The following CDKN2B-AS1 variants were observed in gnomAD, a reference collection of about 807,000 sequenced individuals.
CDKN2B-AS1 encodes CDKN2B antisense RNA 1 (non-protein coding).
Position 21,995,456 on chromosome 9 carries a change from C to G in CDKN2B-AS1, n.29+295C>G, listed in dbSNP as rs1057396968. ...CCGCTGCCGCCTCCACGCTCTGCCCCGCGCCCAGACACCCCGACTCCCCTT... is the reference window on the plus strand; with the variant it reads ...CCGCTGCCGCCTCCACGCTCTGCCCGGCGCCCAGACACCCCGACTCCCCTT... On this transcript the variant is annotated intron_variant and non_coding_transcript_variant, in intron 1 of 4. Transcript: ENST00000650946. The surrounding 1 kb of genome is among the most constrained non-coding windows in gnomAD (Gnocchi z 5.7). 2 of 152,692 alleles carry G rather than the reference C, an allele frequency of 1.3e-5. No individual in the cohort carries two copies. The highest frequency in any genetic ancestry group is 6.5e-5 in the Admixed American group (1 of 15,304). 9.5% of individuals were successfully genotyped at this position (152,692 alleles called of 1,614,324 possible).
At chr9:22,095,770 T>C (rs1825252444) in intron 4 of CDKN2B-AS1, among the ~76,000 whole-genome samples, 1 of 149,690 alleles carries the variant, frequency 6.7e-6, no homozygotes, top group Admixed American at 6.6e-5. Context: ...ATCTTGGTGC[T>C]CCTGTATTGG....
intron 4 of CDKN2B-AS1, among the ~76,000 whole-genome samples, chr9:22,078,593 CAGG>C (rs1044277619): frequency 6.6e-6 from 1 of 152,102 alleles, no homozygotes; most frequent in South Asian, 2.1e-4. Context: ...AACAGATCTG[CAGG>C]AGATCTTGTT....
At chr9:22,034,292 T>A (rs1213789698) in intron 1 of CDKN2B-AS1, among the ~76,000 whole-genome samples, 2 of 152,134 alleles carry the variant, frequency 1.3e-5, no homozygotes, top group Non-Finnish European at 2.9e-5. Flanking sequence ...TGTCTCTTTT[T>A]TGGGGTGCCT....
At chr9:22,109,358 T>C (rs985839990) in intron 4 of CDKN2B-AS1, among the ~76,000 whole-genome samples, 2 of 152,212 alleles carry the variant, frequency 1.3e-5, no homozygotes, top group Non-Finnish European at 2.9e-5. Flanking sequence ...AGTTACTTCT[T>C]GTTGGTCTAT....
At chr9:22,067,495 C>G (rs1473453776) in intron 4 of CDKN2B-AS1, among the ~76,000 whole-genome samples, 2 of 152,090 alleles carry the variant, frequency 1.3e-5, no homozygotes, top group Non-Finnish European at 2.9e-5. Flanking sequence ...ATTGTCATTA[C>G]AGAGTGCTTA....
intron 4 of CDKN2B-AS1, among the ~76,000 whole-genome samples, chr9:22,107,843 G>A (rs986082239): frequency 1.3e-5 from 2 of 152,156 alleles, no homozygotes; most frequent in Non-Finnish European, 2.9e-5. Flanking sequence ...ACTTCCTGTG[G>A]AGGGACAATA....
intron 1 of CDKN2B-AS1, among the ~76,000 whole-genome samples, chr9:22,021,957 G>T (rs142295128): frequency 1.8e-4 from 28 of 152,282 alleles, no homozygotes; most frequent in African/African-American, 6.7e-4. Flanking sequence ...CCGTGTAATT[G>T]TATGGTTTTG....
chr9:22,114,853 C>A (rs1307554901), intron 4 of CDKN2B-AS1, among the ~76,000 whole-genome samples: 1 of 152,200 alleles, frequency 6.6e-6, no homozygotes, highest in African/African-American at 2.4e-5. Flanking sequence ...AGAGCCATGT[C>A]ATTGAAAGAG....
intron 1 of CDKN2B-AS1, among the ~76,000 whole-genome samples, chr9:22,002,080 G>A (rs1228580761): frequency 6.6e-6 from 1 of 151,914 alleles, no homozygotes; most frequent in Non-Finnish European, 1.5e-5. Context: ...CTTAGTAATT[G>A]AACACTGTGA....
chr9:22,097,841 T>C (rs1414192570), intron 4 of CDKN2B-AS1, among the ~76,000 whole-genome samples: 1 of 152,212 alleles, frequency 6.6e-6, no homozygotes, highest in Non-Finnish European at 1.5e-5. Context: ...TTCAGCCCTG[T>C]TGCAATTTCT....
At chr9:22,042,372 T>C (rs1010526721) in intron 1 of CDKN2B-AS1, among the ~76,000 whole-genome samples, 2 of 152,088 alleles carry the variant, frequency 1.3e-5, no homozygotes. Context: ...TTCTGAAAAA[T>C]ATTACAATTC....
chr9:22,043,751 C>T (rs911501154), intron 1 of CDKN2B-AS1, among the ~76,000 whole-genome samples: 1 of 151,944 alleles, frequency 6.6e-6, no homozygotes, highest in Non-Finnish European at 1.5e-5. Flanking sequence ...TTAGTAATAA[C>T]AGTAGCTGTT....
At chr9:22,101,122 T>G (rs1246654138) in intron 4 of CDKN2B-AS1, among the ~76,000 whole-genome samples, 1 of 152,236 alleles carries the variant, frequency 6.6e-6, no homozygotes, top group Non-Finnish European at 1.5e-5. Context: ...TTAAAATTCC[T>G]CTACCTTTCA....
At chr9:22,095,224 T>C (rs1313518109) in intron 4 of CDKN2B-AS1, among the ~76,000 whole-genome samples, 2 of 144,756 alleles carry the variant, frequency 1.4e-5, no homozygotes, top group Non-Finnish European at 2.9e-5. Context: ...CTGCCCCTAC[T>C]GGGGGGTGCC....
intron 4 of CDKN2B-AS1, among the ~76,000 whole-genome samples, chr9:22,057,382 T>C (rs1219188015): frequency 1.3e-5 from 2 of 152,222 alleles, no homozygotes; most frequent in Non-Finnish European, 2.9e-5. Flanking sequence ...ATTGTGATCT[T>C]CCAAAGCTCG....
At chr9:22,078,248 G>A (rs965158418) in intron 4 of CDKN2B-AS1, among the ~76,000 whole-genome samples, 16 of 151,594 alleles carry the variant, frequency 1.1e-4, no homozygotes, top group African/African-American at 3.1e-4. Context: ...TGCTAGTTTT[G>A]TATTTGCTTG....
chr9:22,008,625 CTT>C, intron 1 of CDKN2B-AS1: 5 of 1,577,922 alleles, frequency 3.2e-6, no homozygotes, highest in Non-Finnish European at 4.3e-6. Context: ...CAATGTCTCT[CTT>C]TAGGATTTTT....
chr9:22,050,340 A>G (rs1252616514), intron 3 of CDKN2B-AS1, among the ~76,000 whole-genome samples: 3 of 152,232 alleles, frequency 2.0e-5, no homozygotes, highest in African/African-American at 7.2e-5. Context: ...GTATAGAGCC[A>G]GGGAGTCCTG....
chr9:22,096,911 G>T (rs554949621), intron 4 of CDKN2B-AS1, among the ~76,000 whole-genome samples: 1 of 152,124 alleles, frequency 6.6e-6, no homozygotes, highest in East Asian at 1.9e-4. Flanking sequence ...GCTGGATTCT[G>T]TGCCTTTGCT....
Sources: allele counts gnomAD v4.1 joint callset (sites outside exome capture counted in the v4.1 genomes callset), GRCh38; gene constraint gnomAD v4.1.1; non-coding constraint Gnocchi (gnomAD v3.1); transcripts MANE v1.5; gene names NCBI Gene and HGNC (gene_info 2026-07-23, HGNC 2026-07-21).